Variants in XIRP2 observed in about 807,000 individuals in gnomAD.
XIRP2 encodes xin actin-binding repeat-containing protein 2.
A neutral mutation model predicts 277.0 loss-of-function variants in XIRP2; 236 were observed. The observed-to-expected ratio is 0.85, with a 90% CI of 0.77 to 0.95. The LOEUF (loss-of-function observed/expected upper bound fraction) is 0.95. Among genes scored for constraint, XIRP2 ranks in the 40% least tolerant of loss-of-function variants. The probability of loss-of-function intolerance (pLI) is 0.00; values close to 1 mark genes in which losing one functional copy is unlikely to be tolerated. For synonymous variants in XIRP2, 1,490 were observed against 1,416.5 expected, an observed-to-expected ratio of 1.05 and a Z score of -1.17; for missense variants, 4,640 against 4,157.5, an observed-to-expected ratio of 1.12 and a Z score of -3.19.
At chr2:167,021,842 A>T (rs961853322) in intron 2 of XIRP2, among the ~76,000 whole-genome samples, 13 of 152,164 alleles carry the variant, frequency 8.5e-5, no homozygotes, top group East Asian at 5.8e-4. Flanking sequence ...AAATTTTTTT[A>T]AAAATTGCCG....
chr2:166,915,992 G>T (rs545250029), intron 2 of XIRP2, among the ~76,000 whole-genome samples: 1 of 152,090 alleles, frequency 6.6e-6, no homozygotes, highest in African/African-American at 2.4e-5. Flanking sequence ...TTGGAGGCAT[G>T]GAGAAAACCA....
chr2:167,136,765 A>G (rs1264066398), intron 3 of XIRP2, among the ~76,000 whole-genome samples: 1 of 152,164 alleles, frequency 6.6e-6, no homozygotes. Flanking sequence ...CTATTGTAGT[A>G]TTTGTGGTGT....
intron 2 of XIRP2, among the ~76,000 whole-genome samples, chr2:166,943,110 C>G (rs1685762456): frequency 6.6e-6 from 1 of 151,916 alleles, no homozygotes; most frequent in Non-Finnish European, 1.5e-5. Flanking sequence ...AACTTTGTTT[C>G]TTTTGTTATT....
intron 2 of XIRP2, among the ~76,000 whole-genome samples, chr2:167,010,457 G>C (rs1035870553): frequency 6.6e-6 from 1 of 151,988 alleles, no homozygotes; most frequent in Non-Finnish European, 1.5e-5. Flanking sequence ...GTACCATGCT[G>C]TTTTGGTTAC....
chr2:167,199,655 T>C (rs1226164582), intron 3 of XIRP2, among the ~76,000 whole-genome samples: 1 of 152,172 alleles, frequency 6.6e-6, no homozygotes, highest in African/African-American at 2.4e-5. Context: ...AACCAGTCCC[T>C]CAGAGGCACG....
intron 2 of XIRP2, among the ~76,000 whole-genome samples, chr2:167,116,420 C>T (rs1690897560): frequency 6.6e-6 from 1 of 152,100 alleles, no homozygotes; most frequent in African/African-American, 2.4e-5. Flanking sequence ...TTTATATGGT[C>T]TAAAGTCTAT....
chr2:167,077,237 A>G (rs1689595712), intron 2 of XIRP2, among the ~76,000 whole-genome samples: 1 of 152,144 alleles, frequency 6.6e-6, no homozygotes, highest in Non-Finnish European at 1.5e-5. Flanking sequence ...GGTGACATGA[A>G]TGGGTATTCA....
At chr2:166,962,734 AG>A (rs1429933778) in intron 2 of XIRP2, among the ~76,000 whole-genome samples, 1 of 151,726 alleles carries the variant, frequency 6.6e-6, no homozygotes, top group Non-Finnish European at 1.5e-5. Context: ...TTCCAAATAG[AG>A]GTTCTTAATC....
chr2:166,996,423 G>C (rs557017004), intron 2 of XIRP2, among the ~76,000 whole-genome samples: 103 of 152,302 alleles, frequency 6.8e-4, no homozygotes, highest in African/African-American at 2.4e-3. Context: ...TTGAGACCAG[G>C]AGTTTGAGAC....
chr2:167,259,435 A>G lies in XIRP2; in HGVS notation c.*1618A>G. On this transcript the variant is annotated 3_prime_UTR_variant, in exon 11 of 11. Coordinates refer to ENST00000409195, the MANE Select transcript of XIRP2 (RefSeq NM_152381.6). ...TGATGTTCTGAAATAAGATTTTATG[A>G]ATTTGGATACCCTTTTGAGGAACTT... 3 of 1,436,024 alleles carry G rather than the reference A, an allele frequency of 2.1e-6. No individual in the cohort carries two copies. In the South Asian group the frequency reaches 4.5e-5, roughly 21 times the overall value. 89.0% of individuals were successfully genotyped at this position (1,436,024 alleles called of 1,614,324 possible).
At chr2:167,015,949 C>T (rs1369005605) in intron 2 of XIRP2, among the ~76,000 whole-genome samples, 3 of 151,654 alleles carry the variant, frequency 2.0e-5, no homozygotes, top group Non-Finnish European at 1.5e-5. Context: ...ACTCTCTCTA[C>T]CCTGACTTTC....
At chr2:167,008,750 T>A (rs957673955) in intron 2 of XIRP2, among the ~76,000 whole-genome samples, 1 of 151,612 alleles carries the variant, frequency 6.6e-6, no homozygotes, top group South Asian at 2.1e-4. Context: ...TGGACCTTTG[T>A]GCATCCCAAC....
rs1385602464 is a variant in XIRP2 at position 167,249,555 on chromosome 2, A to G, written c.8163A>G (p.Thr2721=). 6.2e-7 allele frequency: 1 copy of G among 1,613,680 alleles called. No homozygotes were observed. Among genetic ancestry groups the G allele is most frequent in the Admixed American group, 1.7e-5 (1 of 59,968 alleles). ...KTIKLPTLDH[T]LNETDHSYES... ...TCAAACTTCCAACTCTAGATCATAC[A>G]TTAAATGAAACAGACCACAGCTATG... Residue 2721 remains threonine (T), a synonymous_variant, in exon 9 of 11, where the codon ACA becomes ACG. Transcript: ENST00000409195.
In XIRP2 at chr2:167,258,176, G is replaced by GAGAT. The variant is rs1279371406; in HGVS notation, c.*360_*363dup. 4 of 1,612,896 alleles carry GAGAT rather than the reference G, an allele frequency of 2.5e-6. No homozygotes were observed. Among genetic ancestry groups the GAGAT allele is most frequent in the Admixed American group, 3.3e-5 (2 of 59,802 alleles). ...AAAAGTCATTTGGCCTCCTTCCAAGGAGATCCCTAAGAAAACCTTACCCTT... is the reference window on the plus strand; with the variant it reads ...AAAAGTCATTTGGCCTCCTTCCAAGGAGATAGATCCCTAAGAAAACCTTACCCTT... On this transcript the variant is annotated 3_prime_UTR_variant, in exon 11 of 11. Coordinates refer to ENST00000409195, the MANE Select transcript of XIRP2 (RefSeq NM_152381.6).
intron 3 of XIRP2, among the ~76,000 whole-genome samples, chr2:167,199,932 G>C (rs1171472048): frequency 1.3e-5 from 2 of 152,026 alleles, no homozygotes; most frequent in Non-Finnish European, 2.9e-5. Context: ...TAGAAAATTA[G>C]GGTCAGAAAA....
rs1369537809 is a variant in XIRP2, at chr2:166,931,962, ATGTGTAATATTC to A, written c.408+28074_408+28085del. 3.3e-5 allele frequency among the ~76,000 whole-genome samples: 5 copies of A among 152,106 alleles called. No homozygotes were observed. In the East Asian group the frequency reaches 5.8e-4, roughly 18 times the overall value. ...TTTTTAATTTTAGCCATCCTAGTGGATGTGTAATATTCTTATTTTGGTTTTAATTTCATTTCC... is the reference window on the plus strand; with the variant it reads ...TTTTTAATTTTAGCCATCCTAGTGGATTATTTTGGTTTTAATTTCATTTCC... On this transcript the variant is annotated intron_variant, in intron 2 of 10. Coordinates refer to ENST00000409195, the MANE Select transcript of XIRP2 (RefSeq NM_152381.6).
intron 4 of XIRP2, among the ~76,000 whole-genome samples, chr2:167,212,450 A>G (rs778996206): frequency 2.4e-4 from 37 of 152,244 alleles, no homozygotes; most frequent in Non-Finnish European, 4.3e-4. Context: ...GATGTGTTTA[A>G]AAAGGGAATG....
chr2:167,049,552 G>C (rs987825419), intron 2 of XIRP2, among the ~76,000 whole-genome samples: 3 of 150,814 alleles, frequency 2.0e-5, no homozygotes, highest in Non-Finnish European at 4.4e-5. Context: ...TTAACTTACT[G>C]TTTCCTCAGT....
At chr2:167,087,121 G>T (rs988525004) in intron 2 of XIRP2, among the ~76,000 whole-genome samples, 20 of 152,132 alleles carry the variant, frequency 1.3e-4, no homozygotes, top group South Asian at 1.0e-3. Context: ...ATGGGTTTTT[G>T]GTGTGGATGT....
Sources: gnomAD v4.1 joint callset for allele counts (sites outside exome capture counted in the v4.1 genomes callset) on GRCh38, gnomAD v4.1.1 for gene constraint, MANE v1.5 for transcripts, NCBI Gene and HGNC (gene_info 2026-07-23, HGNC 2026-07-21) for gene names.